CDH13: variants seen among roughly 807,000 people sequenced by gnomAD.
CDH13 encodes cadherin-13.
In CDH13, 24 loss-of-function variants were observed where a neutral mutation model predicts 63.8. That is an observed-to-expected ratio of 0.38 (90% CI 0.27 to 0.53). The LOEUF (loss-of-function observed/expected upper bound fraction) is 0.53, where lower values mean the gene tolerates loss of function less well. CDH13 is among the 20% of genes least tolerant of loss of function. The pLI, the probability that CDH13 is intolerant of heterozygous loss-of-function variation, is 0.85. For missense variants in CDH13, 1,049 were observed against 903.1 expected (o/e 1.16, Z -2.07); for synonymous variants, 503 against 355.3 (o/e 1.42, Z -4.67).
intron 5 of CDH13, among the ~76,000 whole-genome samples, chr16:83,267,753 G>A (rs1024121856): frequency 1.3e-5 from 2 of 152,120 alleles, no homozygotes; most frequent in South Asian, 4.1e-4. Flanking sequence ...CACCCTCCAG[G>A]ACCATGAGCC....
At chr16:83,567,805 C>T (rs1458218371) in intron 7 of CDH13, among the ~76,000 whole-genome samples, 1 of 151,948 alleles carries the variant, frequency 6.6e-6, no homozygotes, top group Non-Finnish European at 1.5e-5. Context: ...CTGTGTTAGC[C>T]AGGATGGTCT....
intron 1 of CDH13, among the ~76,000 whole-genome samples, chr16:82,842,710 C>T (rs1170386025): frequency 8.1e-6 from 1 of 123,460 alleles, no homozygotes; most frequent in African/African-American, 2.8e-5. Flanking sequence ...CACTTAATTT[C>T]TATTATTATT....
At position 83,183,069 on chromosome 16, in the gene CDH13, G is replaced by T. The variant is rs116259955; in HGVS notation, c.484-34276G>T. ...AATTAGTTTGGATTTTTCAGATAAG[G>T]TTCCTTCTTTTTATTATTATAAACA... On this transcript the variant is annotated intron_variant, in intron 4 of 13. Transcript: ENST00000567109. Among the ~76,000 whole-genome samples the T allele has an allele frequency of 9.9e-5, 15 of 152,160 alleles. No individual in the cohort carries two copies. The East Asian group carries it at 2.1e-3, about 22-fold the overall frequency.
intron 4 of CDH13, among the ~76,000 whole-genome samples, chr16:83,185,738 C>T (rs1408376960): frequency 6.6e-6 from 1 of 152,216 alleles, no homozygotes; most frequent in Non-Finnish European, 1.5e-5. Context: ...ATGGAATAAA[C>T]AGGCACTGTT....
chr16:83,124,352 CT>C (rs1478283498), intron 3 of CDH13, among the ~76,000 whole-genome samples: 6 of 152,098 alleles, frequency 3.9e-5, no homozygotes, highest in Non-Finnish European at 7.4e-5. Flanking sequence ...GGCCTACCCA[CT>C]TTTAATTGGG....
chr16:83,165,932 T>TG (rs1275171434), intron 4 of CDH13, among the ~76,000 whole-genome samples: 1 of 152,002 alleles, frequency 6.6e-6, no homozygotes, highest in Non-Finnish European at 1.5e-5. Context: ...TCAACAGTGG[T>TG]GGGAGAGGCT....
At chr16:83,445,345 C>T (rs2072655931) in intron 6 of CDH13, among the ~76,000 whole-genome samples, 1 of 111,146 alleles carries the variant, frequency 9.0e-6, no homozygotes, top group African/African-American at 2.7e-5. Flanking sequence ...CATTCTTCTA[C>T]AAAAGAAGAA....
intron 2 of CDH13, among the ~76,000 whole-genome samples, chr16:82,966,674 G>A (rs968962476): frequency 1.3e-5 from 2 of 152,032 alleles, no homozygotes; most frequent in African/African-American, 4.8e-5. Flanking sequence ...AAAGAATGTA[G>A]GTAATTCCTT....
intron 5 of CDH13, among the ~76,000 whole-genome samples, chr16:83,318,291 C>G (rs1343281922): frequency 6.6e-6 from 1 of 152,144 alleles, no homozygotes; most frequent in African/African-American, 2.4e-5. Flanking sequence ...TTTCTCTTTT[C>G]TTTAAACTTT....
intron 6 of CDH13, among the ~76,000 whole-genome samples, chr16:83,420,321 C>A (rs1397134626): frequency 6.6e-6 from 1 of 152,120 alleles, no homozygotes; most frequent in African/African-American, 2.4e-5. Context: ...TGGCTAGACA[C>A]AAATTTGGGA....
intron 1 of CDH13, among the ~76,000 whole-genome samples, chr16:82,682,904 C>G (rs1043871285): frequency 2.0e-5 from 3 of 152,154 alleles, no homozygotes; most frequent in African/African-American, 7.2e-5. Context: ...AGAAAACACA[C>G]AGCCATTGCC....
intron 5 of CDH13, among the ~76,000 whole-genome samples, chr16:83,294,980 A>G (rs1265345307): frequency 6.6e-6 from 1 of 152,218 alleles, no homozygotes; most frequent in African/African-American, 2.4e-5. Flanking sequence ...ACTTCAAAGT[A>G]TACTACAAAG....
intron 2 of CDH13, among the ~76,000 whole-genome samples, chr16:82,997,552 C>G (rs1912383939): frequency 6.6e-6 from 1 of 152,076 alleles, no homozygotes; most frequent in Non-Finnish European, 1.5e-5. Flanking sequence ...ATTCTATTTA[C>G]CTTCCCCTAA....
Position 82,658,657 on chromosome 16 carries a change from C to T in CDH13, c.45+31520C>T, listed in dbSNP as rs75094290. On this transcript the variant is annotated intron_variant, in intron 1 of 13. Transcript: ENST00000567109. Reference sequence around the variant, plus strand: ...TAGTACTGATCTCCAAGGGTGGTTGCGTGGGTTAAATTATACCTAAAGAAC... The same window carrying T: ...TAGTACTGATCTCCAAGGGTGGTTGTGTGGGTTAAATTATACCTAAAGAAC... Among the ~76,000 whole-genome samples the T allele has an allele frequency of 0.024, 3,669 of 152,192 alleles. 243 individuals are homozygous for T. The East Asian group carries it at 0.25, about 10-fold the overall frequency.
chr16:83,499,358 G>T (rs116116382), intron 7 of CDH13, among the ~76,000 whole-genome samples: 10 of 152,224 alleles, frequency 6.6e-5, no homozygotes, highest in Non-Finnish European at 4.4e-5. Context: ...GAGTGGTCCT[G>T]TTGGGACTAT....
At chr16:83,286,649 G>C (rs1372292372) in intron 5 of CDH13, among the ~76,000 whole-genome samples, 1 of 151,722 alleles carries the variant, frequency 6.6e-6, no homozygotes, top group Non-Finnish European at 1.5e-5. Flanking sequence ...CCAGCTACTT[G>C]GGGGGCTGAG....
rs148737969 is a variant in CDH13 at position 83,571,121 on chromosome 16, A to G, written c.961-31333A>G. Among the ~76,000 whole-genome samples the G allele has an allele frequency of 6.8e-3, 1,030 of 151,946 alleles. 11 individuals are homozygous for G. Among genetic ancestry groups the G allele is most frequent in the African/African-American group, 0.024 (975 of 41,486 alleles). On this transcript the variant is annotated intron_variant, in intron 7 of 13. Transcript: ENST00000567109. ...ACATGCACATATTTCCACAAACATC[A>G]TAAAAGTCCTTTTCACTTTATTTCA...
chr16:83,096,096 G>A (rs1469813405), intron 3 of CDH13, among the ~76,000 whole-genome samples: 2 of 152,152 alleles, frequency 1.3e-5, no homozygotes, highest in Admixed American at 6.5e-5. Context: ...CAAGAACTCC[G>A]TATGTGAATA....
rs145758880 is a variant in CDH13 at position 83,699,871 on chromosome 16, T to C, written c.1538+21410T>C. Among the ~76,000 whole-genome samples the C allele has an allele frequency of 3.7e-3, 563 of 152,294 alleles. 4 individuals carry two copies. The highest frequency in any genetic ancestry group is 0.013 in the African/African-American group (530 of 41,564). ...AGCATGTACCCAGCCTCAGCACATA[T>C]TGGGACTCTTCTCTCCAATTTCTCC... is the stretch of plus-strand genomic sequence containing the variant. On this transcript the variant is annotated intron_variant, in intron 10 of 13. Coordinates refer to ENST00000567109, the MANE Select transcript of CDH13 (RefSeq NM_001257.5).
Sources: allele counts gnomAD v4.1 joint callset (sites outside exome capture counted in the v4.1 genomes callset), GRCh38; gene constraint gnomAD v4.1.1; transcripts MANE v1.5; gene names NCBI Gene and HGNC (gene_info 2026-07-23, HGNC 2026-07-21).